CCDC171: variants seen among roughly 807,000 people sequenced by gnomAD.
The protein encoded by CCDC171 is coiled-coil domain containing 171.
Under a neutral mutation model 168.2 loss-of-function variants are expected in CCDC171, and 177 were observed. The ratio of observed to expected loss-of-function variants is 1.05; its 90% confidence interval spans 0.93 to 1.19. The LOEUF (loss-of-function observed/expected upper bound fraction) is 1.19. Among genes scored for constraint, CCDC171 ranks in the 50% most tolerant of loss-of-function variants. The pLI is 0.00. For synonymous variants in CCDC171, 687 were observed against 540.8 expected (o/e 1.27, Z -3.75); for missense variants, 1,991 against 1,539.0 (o/e 1.29, Z -4.91).
chr9:15,715,224 G>A (rs1179461046), intron 11 of CCDC171, among the ~76,000 whole-genome samples: 3 of 152,228 alleles, frequency 2.0e-5, no homozygotes, highest in Non-Finnish European at 4.4e-5. Flanking sequence ...GACGTAGTTA[G>A]AGAGTGAGAA....
chr9:15,642,775 T>C (rs1234138563), intron 7 of CCDC171, among the ~76,000 whole-genome samples: 1 of 152,064 alleles, frequency 6.6e-6, no homozygotes, highest in Non-Finnish European at 1.5e-5. Flanking sequence ...AAAGACATGA[T>C]CTCCAGTTTA....
chr9:15,790,608 C>T (rs376847480), intron 21 of CCDC171, among the ~76,000 whole-genome samples: 1 of 152,132 alleles, frequency 6.6e-6, no homozygotes, highest in Non-Finnish European at 1.5e-5. Context: ...TAATTAGATC[C>T]CATTTGTCAA....
the CCDC171 span, among the ~76,000 whole-genome samples, chr9:16,073,281 G>A: frequency 6.6e-6 from 1 of 152,138 alleles, no homozygotes; most frequent in Non-Finnish European, 1.5e-5. Flanking sequence ...GGAACCCTGG[G>A]TAAAGGTCCA....
At chr9:15,581,964 C>G (rs1450638919) in intron 4 of CCDC171, among the ~76,000 whole-genome samples, 1 of 152,056 alleles carries the variant, frequency 6.6e-6, no homozygotes, top group Non-Finnish European at 1.5e-5. Context: ...TTCTGCACAG[C>G]AAAAGAAACT....
intron 24 of CCDC171, among the ~76,000 whole-genome samples, chr9:15,890,672 C>A (rs1431201308): frequency 6.6e-6 from 1 of 151,904 alleles, no homozygotes; most frequent in African/African-American, 2.4e-5. Context: ...TCAGAAGGCA[C>A]CTGGGAATCA....
chr9:15,878,046 A>G (rs1818090410), intron 24 of CCDC171, among the ~76,000 whole-genome samples: 1 of 152,190 alleles, frequency 6.6e-6, no homozygotes, highest in Non-Finnish European at 1.5e-5. Context: ...AACCTAGGTA[A>G]TACCATTCTG....
In CCDC171 at chr9:15,713,358, C is replaced by T. The variant is rs148275725; in HGVS notation, c.1319-8411C>T. Among the ~76,000 whole-genome samples, 525 of 151,866 alleles carry T rather than the reference C, an allele frequency of 3.5e-3. 6 individuals carry two copies. Among genetic ancestry groups the T allele is most frequent in the African/African-American group, 0.012 (483 of 41,398 alleles). On this transcript the variant is annotated intron_variant, in intron 11 of 25. Transcript: ENST00000380701. ...TTGTGAGCTGGTCATAGAGAACTCT[C>T]CATGCATCCAAGGTGTGGGTTAAGA...
chr9:15,908,023 G>T (rs1326787731), intron 24 of CCDC171, among the ~76,000 whole-genome samples: 1 of 151,798 alleles, frequency 6.6e-6, no homozygotes, highest in Non-Finnish European at 1.5e-5. Context: ...TGGAGAGGAT[G>T]TGGAGAAATA....
the CCDC171 span, among the ~76,000 whole-genome samples, chr9:16,079,529 G>A: frequency 5.9e-5 from 9 of 152,304 alleles, no homozygotes; most frequent in South Asian, 1.9e-3. Flanking sequence ...ATTGGAGTGA[G>A]TTGGATGAAG....
At chr9:15,967,058 T>A (rs1338328159) in intron 25 of CCDC171, among the ~76,000 whole-genome samples, 1 of 152,216 alleles carries the variant, frequency 6.6e-6, no homozygotes, top group African/African-American at 2.4e-5. Context: ...TTGCCAACTC[T>A]GGCTGTCTGT....
chr9:15,756,892 G>T (rs911206441), intron 18 of CCDC171, among the ~76,000 whole-genome samples: 3 of 152,160 alleles, frequency 2.0e-5, no homozygotes, highest in Admixed American at 6.5e-5. Flanking sequence ...CTTTCTTTCT[G>T]CCACCATGTG....
chr9:16,000,496 A>G (rs1395633031), intron 3 of CCDC171, among the ~76,000 whole-genome samples: 1 of 152,142 alleles, frequency 6.6e-6, no homozygotes, highest in Non-Finnish European at 1.5e-5. Flanking sequence ...CCATTTTCTA[A>G]TATGTTGAAG....
At position 15,622,749 on chromosome 9, in the gene CCDC171, T is replaced by G. The variant is rs543369607; in HGVS notation, c.676-518T>G. ...TTCTTTTTCAATAGCTAAGCAAAGA[T>G]TTGAAAGCTTTTTGAAAATCCAAGA... On this transcript the variant is annotated intron_variant, in intron 6 of 25. Coordinates refer to ENST00000380701, the MANE Select transcript of CCDC171 (RefSeq NM_173550.4). Among the ~76,000 whole-genome samples the G allele has an allele frequency of 1.2e-4, 18 of 152,312 alleles. No individual in the cohort carries two copies. The East Asian group carries it at 2.5e-3, about 21-fold the overall frequency.
At chr9:15,885,746 A>G (rs1311696752) in intron 24 of CCDC171, 1 of 152,194 alleles carries the variant, frequency 6.6e-6, no homozygotes, top group Non-Finnish European at 1.5e-5. Flanking sequence ...GATTTGCCCT[A>G]TTCTGCATGA....
chr9:15,870,168 C>G (rs2061975434), intron 23 of CCDC171, among the ~76,000 whole-genome samples: 1 of 151,728 alleles, frequency 6.6e-6, no homozygotes, highest in African/African-American at 2.4e-5. Context: ...AGTGTGCTGA[C>G]TGTACACTGC....
chr9:15,733,922 C>T (rs2054313998), intron 16 of CCDC171, among the ~76,000 whole-genome samples: 2 of 152,086 alleles, frequency 1.3e-5, no homozygotes, highest in South Asian at 2.1e-4. Flanking sequence ...CATGCACTAC[C>T]ATGCCTAACT....
chr9:15,704,949 G>T (rs1211477263), intron 11 of CCDC171, among the ~76,000 whole-genome samples: 1 of 152,088 alleles, frequency 6.6e-6, no homozygotes. Flanking sequence ...CTACCAGAAG[G>T]ACCATTTATG....
intron 10 of CCDC171, among the ~76,000 whole-genome samples, chr9:15,685,768 C>T (rs559319332): frequency 6.6e-6 from 1 of 152,222 alleles, no homozygotes; most frequent in East Asian, 1.9e-4. Context: ...AAAAACTTGT[C>T]AACTGTAAAA....
chr9:16,050,285 G>A (rs916737160), intron 1 of CCDC171, among the ~76,000 whole-genome samples: 9 of 152,196 alleles, frequency 5.9e-5, no homozygotes, highest in African/African-American at 2.2e-4. Flanking sequence ...ATGTTTAAAG[G>A]CTAATTATTA....
Sources: gnomAD v4.1 joint callset for allele counts (sites outside exome capture counted in the v4.1 genomes callset) on GRCh38, gnomAD v4.1.1 for gene constraint, MANE v1.5 for transcripts, NCBI Gene and HGNC (gene_info 2026-07-23, HGNC 2026-07-21) for gene names.